The following DLG2 variants were observed in gnomAD, a reference collection of about 807,000 sequenced individuals.
The protein encoded by DLG2 is discs large MAGUK scaffold protein 2.
In DLG2, 45 loss-of-function variants were observed where a neutral mutation model predicts 132.5. The observed-to-expected ratio is 0.34, with a 90% CI of 0.27 to 0.44. DLG2 has a LOEUF of 0.44. Ranked by LOEUF, DLG2 falls within the 20% of genes least tolerant of loss-of-function variation. The pLI is 1.00. For synonymous variants in DLG2, 424 were observed against 419.6 expected (o/e 1.01, Z -0.13); for missense variants, 1,045 against 1,196.9 (o/e 0.87, Z 1.87).
intron 4 of DLG2, among the ~76,000 whole-genome samples, chr11:85,172,920 G>T (rs1318369571): frequency 6.6e-6 from 1 of 152,088 alleles, no homozygotes; most frequent in Non-Finnish European, 1.5e-5. Flanking sequence ...AAAAAATAGA[G>T]AGTAAAGAAT....
rs1005928684 is a variant in DLG2 at position 83,529,406 on chromosome 11, G to A, written c.2193+3302C>T. Among the ~76,000 whole-genome samples the A allele has an allele frequency of 3.9e-5, 6 of 151,976 alleles. No individual in the cohort carries two copies. The East Asian group carries it at 5.8e-4, about 15-fold the overall frequency. ...CTTCTGGACAAGTCTTCTTATTGAC[G>A]TATTTTCTCATAAAGATTTGAAAAA... On this transcript the variant is annotated intron_variant, in intron 21 of 27. Coordinates refer to ENST00000376104, the MANE Select transcript of DLG2 (RefSeq NM_001142699.3).
intron 19 of DLG2, among the ~76,000 whole-genome samples, chr11:83,590,777 A>T (rs1221704307): frequency 2.0e-5 from 3 of 152,174 alleles, no homozygotes; most frequent in Non-Finnish European, 4.4e-5. Context: ...GACAAGAATC[A>T]AATAGACACA....
chr11:84,261,262 G>T, intron 7 of DLG2, among the ~76,000 whole-genome samples: 1 of 152,136 alleles, frequency 6.6e-6, no homozygotes, highest in East Asian at 1.9e-4. Flanking sequence ...CCTCCCACCA[G>T]GCAAGGATCC....
chr11:84,829,006 A>T (rs2078682584), intron 6 of DLG2, among the ~76,000 whole-genome samples: 1 of 151,656 alleles, frequency 6.6e-6, no homozygotes, highest in South Asian at 2.1e-4. Context: ...TCTCTTTTCA[A>T]CAGAACCCGC....
At chr11:84,858,396 G>C (rs1272643770) in intron 6 of DLG2, among the ~76,000 whole-genome samples, 1 of 151,990 alleles carries the variant, frequency 6.6e-6, no homozygotes, top group Non-Finnish European at 1.5e-5. Context: ...GTGGAAATCT[G>C]GGAAGATGGT....
At chr11:84,902,122 TGTAAAATTCTTGAATGGAAATCTGGAC>T (rs974004759) in intron 6 of DLG2, among the ~76,000 whole-genome samples, 2 of 152,144 alleles carry the variant, frequency 1.3e-5, no homozygotes, top group Non-Finnish European at 2.9e-5. Flanking sequence ...AAGGCAATTT[TGTAAAATTCTTGAATGGAAATCTGGAC>T]GCAGGCCTTG....
intron 4 of DLG2, among the ~76,000 whole-genome samples, chr11:85,236,250 T>C (rs1278259163): frequency 6.6e-6 from 1 of 152,028 alleles, no homozygotes; most frequent in Non-Finnish European, 1.5e-5. Flanking sequence ...GTGCCAACAG[T>C]ATTACTAATA....
At chr11:84,861,648 A>AAAAAAAAAAAAAAAAAG in intron 6 of DLG2, among the ~76,000 whole-genome samples, 1 of 135,694 alleles carries the variant, frequency 7.4e-6, no homozygotes. Flanking sequence ...AACAAAAAAA[A>AAAAAAAAAAAAAAAAAG]AAACCTATCA....
intron 3 of DLG2, among the ~76,000 whole-genome samples, chr11:85,556,807 A>G (rs2076962443): frequency 6.6e-6 from 1 of 151,784 alleles, no homozygotes. Context: ...TAAATGACCA[A>G]CTTCAATCAA....
chr11:84,184,521 G>T (rs1359625423), intron 8 of DLG2, among the ~76,000 whole-genome samples: 3 of 151,328 alleles, frequency 2.0e-5, no homozygotes, highest in East Asian at 3.9e-4. Context: ...TCTGTAGGTT[G>T]CCTGTTCACT....
At chr11:85,501,049 T>A (rs944495501) in intron 3 of DLG2, among the ~76,000 whole-genome samples, 18 of 152,172 alleles carry the variant, frequency 1.2e-4, no homozygotes. Flanking sequence ...CAAAACAGCA[T>A]GGTACTGGTA....
chr11:83,753,841 T>TCATATATATG (rs2093489777), intron 18 of DLG2, among the ~76,000 whole-genome samples: 1 of 11,298 alleles, frequency 8.9e-5, no homozygotes, highest in African/African-American at 5.7e-4. Context: ...ATATGATATA[T>TCATATATATG]ATCATATATA....
At chr11:84,924,695 T>C (rs2092912012) in intron 6 of DLG2, among the ~76,000 whole-genome samples, 1 of 152,208 alleles carries the variant, frequency 6.6e-6, no homozygotes, top group East Asian at 1.9e-4. Context: ...TGTGCCTTTT[T>C]TTAGGAAGAA....
chr11:85,591,858 G>T (rs1310347167), intron 3 of DLG2, among the ~76,000 whole-genome samples: 1 of 152,124 alleles, frequency 6.6e-6, no homozygotes, highest in African/African-American at 2.4e-5. Flanking sequence ...TTTAATGCTT[G>T]TCTCCCCAGT....
At chr11:84,417,258 A>C (rs1345561107) in intron 7 of DLG2, among the ~76,000 whole-genome samples, 1 of 152,220 alleles carries the variant, frequency 6.6e-6, no homozygotes, top group African/African-American at 2.4e-5. Flanking sequence ...ATGATCTATG[A>C]AAGTCATTTT....
intron 11 of DLG2, among the ~76,000 whole-genome samples, chr11:84,044,844 T>C (rs927138456): frequency 9.2e-5 from 14 of 151,754 alleles, no homozygotes; most frequent in African/African-American, 3.4e-4. Context: ...TAGGATTTTG[T>C]CAATCACCCG....
chr11:84,055,671 T>C (rs2096485908), intron 11 of DLG2, among the ~76,000 whole-genome samples: 1 of 152,162 alleles, frequency 6.6e-6, no homozygotes, highest in Non-Finnish European at 1.5e-5. Flanking sequence ...TTTTAATTTA[T>C]ATTTCAAAGC....
intron 18 of DLG2, among the ~76,000 whole-genome samples, chr11:83,718,532 G>GAAAAAAAAAAAAAAAAAAA (rs57237354): frequency 9.4e-6 from 1 of 106,278 alleles, no homozygotes; most frequent in African/African-American, 3.6e-5. Context: ...CTCAAAAAAA[G>GAAAAAAAAAAAAAAAAAAA]AAAAAAAAAA....
At chr11:84,096,724 G>T (rs1254487817) in intron 10 of DLG2, among the ~76,000 whole-genome samples, 1 of 152,066 alleles carries the variant, frequency 6.6e-6, no homozygotes, top group East Asian at 1.9e-4. Context: ...TTAGCAAACA[G>T]AATCCCCACG....
Sources: gnomAD v4.1 joint callset for allele counts (sites outside exome capture counted in the v4.1 genomes callset) on GRCh38, gnomAD v4.1.1 for gene constraint, MANE v1.5 for transcripts, NCBI Gene and HGNC (gene_info 2026-07-23, HGNC 2026-07-21) for gene names.